The following GPHN variants were observed in gnomAD, a reference collection of about 807,000 sequenced individuals.
GPHN encodes the protein gephyrin.
GPHN carries 17 observed loss-of-function variants against 95.5 expected under a neutral mutation model. The ratio of observed to expected loss-of-function variants is 0.18; its 90% confidence interval spans 0.12 to 0.27. The LOEUF is 0.27. Among genes scored for constraint, GPHN ranks in the 10% least tolerant of loss-of-function variants. The probability of loss-of-function intolerance (pLI) is 1.00; values close to 1 mark genes in which losing one functional copy is unlikely to be tolerated. For missense variants in GPHN, 660 were observed against 978.1 expected, an observed-to-expected ratio of 0.67 and a Z score of 4.34; for synonymous variants, 320 against 322.5, an observed-to-expected ratio of 0.99 and a Z score of 0.08.
At chr14:67,111,595 TAAAC>T (rs2078375147) in intron 14 of GPHN, among the ~76,000 whole-genome samples, 4 of 152,162 alleles carry the variant, frequency 2.6e-5, no homozygotes, top group African/African-American at 9.7e-5. Flanking sequence ...TTAAATCTTA[TAAAC>T]AAGATTTAAT....
chr14:67,245,157 T>A, the GPHN span, among the ~76,000 whole-genome samples: 5 of 152,198 alleles, frequency 3.3e-5, no homozygotes, highest in Non-Finnish European at 7.3e-5. Context: ...GACTGTAAAA[T>A]AATTTCTGTT....
chr14:66,590,995 G>T (rs2140619707), intron 1 of GPHN, among the ~76,000 whole-genome samples: 1 of 152,236 alleles, frequency 6.6e-6, no homozygotes, highest in South Asian at 2.1e-4. Context: ...TGCAAGGCTG[G>T]TTTAACCTAT....
At chr14:67,277,209 C>T in the GPHN span, among the ~76,000 whole-genome samples, 9 of 152,058 alleles carry the variant, frequency 5.9e-5, no homozygotes, top group Admixed American at 3.9e-4. Flanking sequence ...TTAATGAAAA[C>T]GAAGGCAGTC....
the GPHN span, chr14:67,562,476 G>A: frequency 6.2e-7 from 1 of 1,613,684 alleles, no homozygotes; most frequent in Non-Finnish European, 8.5e-7. Context: ...TCAGCTTCCT[G>A]GGGTGAGGGT....
chr14:67,024,688 T>C (rs2073834498), intron 10 of GPHN, among the ~76,000 whole-genome samples: 1 of 152,148 alleles, frequency 6.6e-6, no homozygotes, highest in Admixed American at 6.5e-5. Flanking sequence ...GGACATTGCT[T>C]ATTTCTCCCA....
the GPHN span, chr14:67,241,461 GC>G: frequency 0.03 from 4,636 of 152,766 alleles, 87 homozygotes; most frequent in Middle Eastern, 0.037. Flanking sequence ...TTCAAGGGCC[GC>G]CGGAGGGCTG....
chr14:67,387,683 C>CCTGGAAG, the GPHN span, among the ~76,000 whole-genome samples: 1 of 152,210 alleles, frequency 6.6e-6, no homozygotes, highest in Non-Finnish European at 1.5e-5. Context: ...TCTGGATATT[C>CCTGGAAG]CTGGAAGCCC....
intron 9 of GPHN, among the ~76,000 whole-genome samples, chr14:66,973,508 C>G (rs1272587683): frequency 2.6e-5 from 4 of 152,174 alleles, no homozygotes; most frequent in Non-Finnish European, 5.9e-5. Flanking sequence ...CCTGTAATTC[C>G]AGCACTTTGG....
At chr14:66,617,970 G>C (rs1566710432) in intron 1 of GPHN, among the ~76,000 whole-genome samples, 1 of 152,066 alleles carries the variant, frequency 6.6e-6, no homozygotes, top group East Asian at 1.9e-4. Flanking sequence ...TTTTTGGCTT[G>C]TGTTGATATC....
chr14:67,221,894 G>A, the GPHN span: 1 of 1,527,212 alleles, frequency 6.5e-7, no homozygotes, highest in South Asian at 1.2e-5. Flanking sequence ...GTGTGGCTAA[G>A]AGCAAAGGAA....
Position 67,164,235 on chromosome 14 carries a change from G to A in GPHN, c.1911-927G>A, listed in dbSNP as rs544989661. ...GTGAGCTGAGATCACACCCTTGCAC[G>A]CTAGCCTGGGCGACAAAGAGCAAAA... On this transcript the variant is annotated intron_variant, in intron 19 of 22. Transcript: ENST00000478722. 2.7e-3 allele frequency among the ~76,000 whole-genome samples: 327 copies of A among 122,982 alleles called. 3 individuals are homozygous for A. The highest frequency in any genetic ancestry group is 0.01 in the African/African-American group (304 of 30,214). The allele number at this position is 122,982 out of a possible 152,430, so 80.7% of individuals were successfully genotyped here.
chr14:67,454,541 C>CTCAT, the GPHN span: 2 of 152,346 alleles, frequency 1.3e-5, no homozygotes, highest in African/African-American at 4.8e-5. Context: ...TCTCCAGGCA[C>CTCAT]TCATTCATTC....
chr14:67,011,072 T>C (rs2072971999), intron 9 of GPHN, among the ~76,000 whole-genome samples: 2 of 152,116 alleles, frequency 1.3e-5, no homozygotes, highest in Non-Finnish European at 1.5e-5. Flanking sequence ...TTTTTTATAG[T>C]TCCCATTATT....
At chr14:67,616,511 A>C in the GPHN span, 1 of 156,440 alleles carries the variant, frequency 6.4e-6, no homozygotes, top group East Asian at 1.9e-4. Context: ...CTGTTTGTTG[A>C]CATTCTGAAT....
At chr14:66,847,658 C>G (rs1055595414) in intron 4 of GPHN, among the ~76,000 whole-genome samples, 5 of 152,082 alleles carry the variant, frequency 3.3e-5, no homozygotes, top group African/African-American at 1.2e-4. Context: ...ATTTTCTCCA[C>G]TGAATGACAG....
chr14:67,357,574 CA>C, the GPHN span, among the ~76,000 whole-genome samples: 1 of 152,122 alleles, frequency 6.6e-6, no homozygotes, highest in Non-Finnish European at 1.5e-5. Flanking sequence ...GTAAAAGTTT[CA>C]AAGTAAAAAC....
intron 7 of GPHN, among the ~76,000 whole-genome samples, chr14:66,923,624 A>C (rs2066331782): frequency 6.6e-6 from 1 of 152,162 alleles, no homozygotes; most frequent in African/African-American, 2.4e-5. Context: ...TTTATTCTTC[A>C]TACCTACTAA....
chr14:66,599,445 G>A lies in GPHN; in HGVS notation c.65-81662G>A, dbSNP rs145239186. On this transcript the variant is annotated intron_variant, in intron 1 of 22. Coordinates refer to ENST00000478722, the MANE Select transcript of GPHN (RefSeq NM_020806.5). ...GCCTAGGTATTTTATTTTACTTTTC[G>A]TTATACAGTCTTCTCGATTATTTTA... Among the ~76,000 whole-genome samples, 436 of 66,636 alleles carry A rather than the reference G, an allele frequency of 6.5e-3. 3 individuals carry two copies. Among genetic ancestry groups the A allele is most frequent in the Admixed American group, 9.3e-3 (50 of 5,360 alleles). The allele number at this position is 66,636 out of a possible 152,430, so 43.7% of individuals were successfully genotyped here. A position where few individuals can be genotyped will look rare whatever the true frequency, so the allele number is the denominator to read the frequency against.
At chr14:67,096,181 A>G (rs1400747856) in intron 12 of GPHN, among the ~76,000 whole-genome samples, 1 of 152,150 alleles carries the variant, frequency 6.6e-6, no homozygotes, top group African/African-American at 2.4e-5. Flanking sequence ...ATAGAGACAC[A>G]TTTACCAACT....
Sources: allele counts gnomAD v4.1 joint callset (sites outside exome capture counted in the v4.1 genomes callset), GRCh38; gene constraint gnomAD v4.1.1; transcripts MANE v1.5; gene names NCBI Gene and HGNC (gene_info 2026-07-23, HGNC 2026-07-21).